The following ALMS1 variants were observed in gnomAD, a reference collection of about 807,000 sequenced individuals.
The protein encoded by ALMS1 is centrosome-associated protein ALMS1.
In ALMS1, 271 loss-of-function variants were observed where a neutral mutation model predicts 352.2. The observed-to-expected ratio is 0.77, with a 90% CI of 0.70 to 0.85. ALMS1 has a LOEUF of 0.85. Ranked by LOEUF, ALMS1 falls within the 40% of genes least tolerant of loss-of-function variation. The pLI, the probability that ALMS1 is intolerant of heterozygous loss-of-function variation, is 0.00. For missense variants in ALMS1, 5,445 were observed against 4,870.7 expected (o/e 1.12, Z -3.51); for synonymous variants, 1,865 against 1,761.2 (o/e 1.06, Z -1.48).
At chr2:73,421,354 G>T (rs1404178588) in intron 3 of ALMS1, among the ~76,000 whole-genome samples, 2 of 152,066 alleles carry the variant, frequency 1.3e-5, no homozygotes, top group Admixed American at 1.3e-4. Context: ...TAGTAAATTT[G>T]CTTTACTTGC....
intron 16 of ALMS1, among the ~76,000 whole-genome samples, chr2:73,595,599 T>C (rs1371243566): frequency 6.6e-6 from 1 of 152,266 alleles, no homozygotes; most frequent in East Asian, 1.9e-4. Flanking sequence ...TTAATACTTC[T>C]GTAAAAGTTT....
intron 1 of ALMS1, among the ~76,000 whole-genome samples, chr2:73,387,610 G>A (rs926074220): frequency 3.3e-5 from 5 of 152,196 alleles, no homozygotes; most frequent in Admixed American, 3.3e-4. Context: ...AGCACAGACT[G>A]CAAGGCTTTG....
chr2:73,419,059 AAATATT>A (rs1231260051), intron 2 of ALMS1, 58 bp from the exon 3 acceptor site: 3 of 1,349,496 alleles, frequency 2.2e-6, no homozygotes, highest in Non-Finnish European at 3.2e-6. Context: ...ATTTTCATCT[AAATATT>A]AATATGTATG....
At chr2:73,581,646 T>G (rs10169714) in intron 16 of ALMS1, among the ~76,000 whole-genome samples, 47,911 of 152,164 alleles carry the variant, frequency 0.31, 9,480 homozygotes, top group African/African-American at 0.56. Flanking sequence ...AGAAGGCACT[T>G]TCTCCCTTGG....
At chr2:73,504,199 G>A (rs1400553824) in intron 10 of ALMS1, among the ~76,000 whole-genome samples, 1 of 152,094 alleles carries the variant, frequency 6.6e-6, no homozygotes, top group Non-Finnish European at 1.5e-5. Context: ...CCAGTAAATT[G>A]ATATTGGCAC....
chr2:73,409,516 T>C (rs940616999), intron 2 of ALMS1, among the ~76,000 whole-genome samples: 4 of 152,196 alleles, frequency 2.6e-5, no homozygotes, highest in Admixed American at 2.0e-4. Flanking sequence ...TTTAAAACTA[T>C]TTTAAAATTT....
rs1558667203 is a variant in ALMS1, at chr2:73,490,597, A to AT, written c.8643dup (p.Leu2882SerfsTer2). 1 of 1,614,180 alleles carries AT rather than the reference A, an allele frequency of 6.2e-7. No homozygotes were observed. The highest frequency in any genetic ancestry group is 1.1e-5 in the South Asian group (1 of 91,082). On this transcript the variant is annotated frameshift_variant, in exon 10 of 23. Transcript: ENST00000613296. LOFTEE classifies it high-confidence loss of function. ...TATAACTCCAGATCTTCCTTCTTGC[A>AT]TTTTTCTTGAACAACGAGAGCTCTT...
intron 16 of ALMS1, among the ~76,000 whole-genome samples, chr2:73,584,371 A>G (rs1297095869): frequency 6.6e-6 from 1 of 152,210 alleles, no homozygotes; most frequent in Admixed American, 6.5e-5. Flanking sequence ...ATATAGGGTC[A>G]GTATTTACCA....
At position 73,391,294 on chromosome 2, in the gene ALMS1, C is replaced by CTTTTTTTTTTTTTTTTTTTT. The variant is rs397972016; in HGVS notation, c.324+5119_324+5120insTTTTTTTTTTTTTTTTTTTT. On this transcript the variant is annotated intron_variant, in intron 1 of 22. Transcript: ENST00000613296. The stretch of plus-strand genomic sequence containing the variant: ...TTAACCTATTCATATACGTTTTATT[C>CTTTTTTTTTTTTTTTTTTTT]TTTTTTTTTTTTTTTTTGAGACGGA... Among the ~76,000 whole-genome samples the CTTTTTTTTTTTTTTTTTTTT allele has an allele frequency of 1.3e-4, 15 of 114,928 alleles. 1 individual carries two copies. The highest frequency in any genetic ancestry group is 3.3e-4 in the African/African-American group (8 of 24,454). 75.4% of individuals were successfully genotyped at this position (114,928 alleles called of 152,430 possible).
chr2:73,431,102 G>C (rs1671491370), intron 6 of ALMS1, among the ~76,000 whole-genome samples: 1 of 151,896 alleles, frequency 6.6e-6, no homozygotes, highest in Admixed American at 6.6e-5. Context: ...AGGATGTTTT[G>C]CATCATCCAT....
At chr2:73,492,211 T>C (rs757436620) in intron 10 of ALMS1, among the ~76,000 whole-genome samples, 3 of 152,106 alleles carry the variant, frequency 2.0e-5, no homozygotes, top group Non-Finnish European at 4.4e-5. Flanking sequence ...GAACTACCTG[T>C]ATGTTTAGTA....
intron 22 of ALMS1, among the ~76,000 whole-genome samples, chr2:73,609,091 C>T (rs1351315309): frequency 2.6e-5 from 4 of 152,230 alleles, no homozygotes; most frequent in Non-Finnish European, 5.9e-5. Context: ...GTTGGTGTTA[C>T]CAGTTAATTC....
intron 12 of ALMS1, among the ~76,000 whole-genome samples, chr2:73,540,126 G>A (rs1408317269): frequency 6.6e-6 from 1 of 152,188 alleles, no homozygotes; most frequent in African/African-American, 2.4e-5. Context: ...AGAGAGAAAG[G>A]TCGGGTTACC....
At chr2:73,459,418 C>G (rs1403127797) in intron 9 of ALMS1, 2 of 151,940 alleles carry the variant, frequency 1.3e-5, no homozygotes, top group Non-Finnish European at 1.5e-5. Flanking sequence ...AGTTTAGGAT[C>G]TAGTGTTTAT....
chr2:73,557,643 C>T (rs898130635), intron 14 of ALMS1, among the ~76,000 whole-genome samples: 1 of 151,920 alleles, frequency 6.6e-6, no homozygotes, highest in African/African-American at 2.4e-5. Flanking sequence ...GACTTTTTAC[C>T]TCCGCTGATA....
At chr2:73,483,325 T>A (rs1273640827) in intron 9 of ALMS1, among the ~76,000 whole-genome samples, 1 of 151,628 alleles carries the variant, frequency 6.6e-6, no homozygotes, top group African/African-American at 2.4e-5. Context: ...TTCATTTCGT[T>A]ATGTACCCAG....
At position 73,489,685 on chromosome 2, in the gene ALMS1, C is replaced by G; in HGVS notation, c.7726C>G (p.His2576Asp). 2 of 1,614,046 alleles carry G rather than the reference C, an allele frequency of 1.2e-6. No homozygotes were observed. Among genetic ancestry groups the G allele is most frequent in the Non-Finnish European group, 1.7e-6 (2 of 1,180,024 alleles). ...ATGCAAGCCAGAAGCTGTATGTAGT[C>G]ACATTATTATTGAGAGCCATGAAAA... is the stretch of plus-strand genomic sequence containing the variant. The part of the protein sequence containing the change: ...MGCKPEAVCS[H>D]IIIESHEKGC... The change falls in exon 10 of 23, where the codon CAC becomes GAC. Residue 2576 changes from histidine (H) to aspartate (D), a missense_variant. Coordinates refer to ENST00000613296, the MANE Select transcript of ALMS1 (RefSeq NM_001378454.1).
intron 12 of ALMS1, among the ~76,000 whole-genome samples, chr2:73,537,970 C>T (rs1273996467): frequency 6.6e-6 from 1 of 152,146 alleles, no homozygotes; most frequent in Non-Finnish European, 1.5e-5. Flanking sequence ...TGCGCCACTG[C>T]AGTCCACTCT....
intron 9 of ALMS1, among the ~76,000 whole-genome samples, chr2:73,471,220 C>T (rs1359090392): frequency 6.8e-5 from 10 of 146,710 alleles, no homozygotes; most frequent in African/African-American, 1.3e-4. Flanking sequence ...TGCTTTGATC[C>T]TTCCTTTTTT....
Sources: allele counts gnomAD v4.1 joint callset (sites outside exome capture counted in the v4.1 genomes callset), GRCh38; gene constraint gnomAD v4.1.1; transcripts MANE v1.5; gene names NCBI Gene and HGNC (gene_info 2026-07-23, HGNC 2026-07-21).